Variants in GBP5 observed in about 807,000 individuals in gnomAD.
GBP5 encodes the protein guanylate binding protein 5.
GBP5 carries 48 observed loss-of-function variants against 58.2 expected under a neutral mutation model. That is an observed-to-expected ratio of 0.83 (90% confidence interval 0.65 to 1.05). The LOEUF is 1.05. GBP5 is among the 50% of genes least tolerant of loss of function. GBP5 has a pLI of 0.00. For synonymous variants in GBP5, 248 were observed against 251.8 expected (o/e 0.98, Z 0.14); for missense variants, 714 against 686.8 (o/e 1.04, Z -0.44).
rs949685589 is a variant in GBP5, at chr1:89,257,988, CAAAG to C, written c.*2712_*2715del. ...ATCAGTTGATTTCACAACAGTAAGACAAAGAAAGTCAGAAAATATAAGCTACTTA... is the reference window on the plus strand; with the variant it reads ...ATCAGTTGATTTCACAACAGTAAGACAAAGTCAGAAAATATAAGCTACTTA... On this transcript the variant is annotated 3_prime_UTR_variant, in exon 12 of 12. Coordinates refer to ENST00000370459, the MANE Select transcript of GBP5 (RefSeq NM_052942.5). Among the ~76,000 whole-genome samples the C allele has an allele frequency of 6.6e-6, 1 of 152,128 alleles. No homozygotes were observed. The highest frequency in any genetic ancestry group is 1.5e-5 in the Non-Finnish European group (1 of 68,004).
At chr1:89,263,679 C>A in intron 9 of GBP5, 57 bp downstream of exon 9, 1 of 1,246,912 alleles carries the variant, frequency 8.0e-7, no homozygotes. Context: ...CCTGTTCTCA[C>A]TGGTTTTACA....
intron 9 of GBP5, 136 bp downstream of exon 9, chr1:89,263,600 T>C: frequency 4.9e-6 from 3 of 609,910 alleles, no homozygotes; most frequent in South Asian, 2.1e-5. Flanking sequence ...TAAATGCTTA[T>C]TCAAGAAAAG....
Position 89,264,846 on chromosome 1 carries a change from A to G in GBP5, c.989T>C (p.Ile330Thr). 1 of 1,614,182 alleles carries G rather than the reference A, an allele frequency of 6.2e-7. No individual in the cohort carries two copies. The highest frequency in any genetic ancestry group is 8.5e-7 in the Non-Finnish European group (1 of 1,180,028). ...RENSAAVQKAIAHYDQQMGQK... is the reference protein window; with the variant it reads ...RENSAAVQKATAHYDQQMGQK... ...GCCCATTTGCTGGTCATAGTGGGCA[A>G]TGGCCTTTTGCACTGCAGCTGAGTT... The change falls in exon 8 of 12, where the codon ATT (isoleucine) becomes ACT (threonine). Residue 330 changes from isoleucine (I) to threonine (T), a missense_variant. Ile to Thr is a moderately conservative substitution (Grantham distance 89, BLOSUM62 -1). Transcript: ENST00000370459.
intron 7 of GBP5, among the ~76,000 whole-genome samples, chr1:89,265,986 T>C (rs1360070277): frequency 6.6e-6 from 1 of 152,230 alleles, no homozygotes; most frequent in Non-Finnish European, 1.5e-5. Context: ...GTTTCACTTA[T>C]ACAGGGAACA....
rs779147050 is a variant in GBP5, at chr1:89,262,690, C to CT, written c.1457dup (p.Lys487GlufsTer11). 8.8e-6 allele frequency: 14 copies of CT among 1,593,812 alleles called. No homozygotes were observed. Among genetic ancestry groups the CT allele is most frequent in the South Asian group, 4.4e-5 (4 of 90,522 alleles). ...TTTCCACTTTCTTCTCACCTTTCTT[C>CT]TTTTTTTCCGTCTCTGTGAGAGCCT... On this transcript the variant is annotated frameshift_variant, in exon 10 of 12. Coordinates refer to ENST00000370459, the MANE Select transcript of GBP5 (RefSeq NM_052942.5). LOFTEE classifies it high-confidence loss of function.
intron 6 of GBP5, 116 bp from the exon 7 acceptor site, chr1:89,266,704 C>A (rs1650235519): frequency 9.4e-7 from 1 of 1,063,334 alleles, no homozygotes; most frequent in Non-Finnish European, 1.3e-6. Flanking sequence ...TCTTCATAAA[C>A]CCTAAGTAAA....
At position 89,259,745 on chromosome 1, in the gene GBP5, C is replaced by T. The variant is rs1317035885; in HGVS notation, c.*959G>A. 6.6e-6 allele frequency: 1 copy of T among 152,130 alleles called. No homozygotes were observed. The highest frequency in any genetic ancestry group is 2.4e-5 in the African/African-American group (1 of 41,374). The allele number at this position is 152,130 out of a possible 1,614,324, so 9.4% of individuals were successfully genotyped here. ...CCTAAGCTAAACCACATCCTGGTAC[C>T]CTGAGCCAGGCGGGGGCAAAAACTG... is the stretch of plus-strand genomic sequence containing the variant. On this transcript the variant is annotated 3_prime_UTR_variant, in exon 12 of 12. Coordinates refer to ENST00000370459, the MANE Select transcript of GBP5 (RefSeq NM_052942.5).
At chr1:89,267,323 C>A (rs1412439493) in intron 5 of GBP5, 94 bp downstream of exon 5, 3 of 1,053,204 alleles carry the variant, frequency 2.8e-6, no homozygotes, top group Non-Finnish European at 4.3e-6. Flanking sequence ...ATCACGTTTC[C>A]ATTTTTGTGA....
rs1649888016 is a variant in GBP5, at chr1:89,258,939, A to T, written c.*1765T>A. On this transcript the variant is annotated 3_prime_UTR_variant, in exon 12 of 12. Coordinates refer to ENST00000370459, the MANE Select transcript of GBP5 (RefSeq NM_052942.5). ...TTTTAACTTTGAGAAAAATACAAACAAAGGAACTGATTTATGGTTTTCCAA... is the reference window on the plus strand; with the variant it reads ...TTTTAACTTTGAGAAAAATACAAACTAAGGAACTGATTTATGGTTTTCCAA... The T allele has an allele frequency of 6.6e-6, 1 of 152,164 alleles. No homozygotes were observed. Among genetic ancestry groups the T allele is most frequent in the South Asian group, 2.1e-4 (1 of 4,826 alleles). 9.4% of individuals were successfully genotyped at this position (152,164 alleles called of 1,614,324 possible).
chr1:89,266,729 C>A, intron 6 of GBP5, 141 bp from the exon 7 acceptor site: 2 of 842,632 alleles, frequency 2.4e-6, no homozygotes, highest in Admixed American at 3.1e-5. Flanking sequence ...AAAATGGTAA[C>A]TAATCAGGGA....
chr1:89,264,637 C>T lies in GBP5; in HGVS notation c.1149+49G>A, dbSNP rs376668686. On this transcript the variant is annotated intron_variant, in intron 8 of 11. Coordinates refer to ENST00000370459, the MANE Select transcript of GBP5 (RefSeq NM_052942.5). The stretch of plus-strand genomic sequence containing the variant: ...TCCTATTTTATCATTCAAAGCAATA[C>T]TTTGCCTTCTTGACCTTAATCCCCA... 10 of 1,536,538 alleles carry T rather than the reference C, an allele frequency of 6.5e-6. No homozygotes were observed. The East Asian group carries it at 1.4e-4, about 21-fold the overall frequency.
rs1392642513 is a variant in GBP5 at position 89,262,395 on chromosome 1, T to C, written c.1472A>G (p.Gln491Arg). Reference protein sequence around the residue: ...TETEKKKKEAQVKAEAEKAEA... With the variant: ...TETEKKKKEARVKAEAEKAEA... ...AGCCTTTTCAGCTTCTGCTTTCACT[T>C]GTGCCTCTGAGGAGAAAAAGATAAT... Residue 491 changes from glutamine (Q) to arginine (R), a missense_variant, in exon 11 of 12, where the codon CAA (glutamine) becomes CGA (arginine). Transcript: ENST00000370459. The C allele has an allele frequency of 1.4e-5, 23 of 1,613,516 alleles. No homozygotes were observed. The highest frequency in any genetic ancestry group is 1.7e-5 in the Non-Finnish European group (20 of 1,179,836).
At chr1:89,264,016 A>T in intron 8 of GBP5, 68 bp from the exon 9 acceptor site, 1 of 978,962 alleles carries the variant, frequency 1.0e-6, no homozygotes, top group Admixed American at 2.1e-5. Context: ...AATAATTCTG[A>T]AAAAGAATCT....
At position 89,267,101 on chromosome 1, in the gene GBP5, C is replaced by G; in HGVS notation, c.481G>C (p.Asp161His). 2 of 1,611,044 alleles carry G rather than the reference C, an allele frequency of 1.2e-6. No individual in the cohort carries two copies. The highest frequency in any genetic ancestry group is 1.7e-6 in the Non-Finnish European group (2 of 1,179,326). ...LLKARNSPDL[D>H]RVEDPADSAS... ...GAGTCAGCAGGATCTTCAACCCTGT[C>G]AAGGTCGGGTGAGTTTCTTGCCTTG... The change falls in exon 6 of 12, where the codon GAC becomes CAC. Residue 161 changes from aspartate to histidine, a missense_variant. By Grantham distance (81) the Asp-to-His change is moderately conservative. Coordinates refer to ENST00000370459, the MANE Select transcript of GBP5 (RefSeq NM_052942.5).
chr1:89,262,133 A>T (rs1570409704), intron 11 of GBP5, 87 bp downstream of exon 11: 3 of 1,285,924 alleles, frequency 2.3e-6, no homozygotes, highest in Non-Finnish European at 1.1e-6. Flanking sequence ...GCTGAGAGCC[A>T]CAAGATCTTG....
chr1:89,268,856 C>A lies in GBP5; in HGVS notation c.191G>T (p.Gly64Val), dbSNP rs146345393. The change falls in exon 4 of 12, where the codon GGC becomes GTC. Residue 64 changes from glycine to valine, a missense_variant and splice_region_variant. Gly to Val is a moderately radical substitution (Grantham distance 109). Transcript: ENST00000370459. ...CTGCACCGTAGATGCAACAGAGAAG[C>A]CTGTCAGGGGGAGTGAGAGGTTGTA... ...LMNKLAGKNKGFSVASTVQSH... is the reference protein window; with the variant it reads ...LMNKLAGKNKVFSVASTVQSH... The A allele has an allele frequency of 9.1e-5, 147 of 1,613,364 alleles. No homozygotes were observed. Among genetic ancestry groups the A allele is most frequent in the African/African-American group, 7.9e-4 (59 of 74,968 alleles).
At position 89,264,966 on chromosome 1, in the gene GBP5, C is replaced by A. The variant is rs769518916; in HGVS notation, c.869G>T (p.Arg290Leu). ...ATAGGTCAGCACCAGGTTCTTTAGA[C>A]CTTCATGGAAGAAAGAAACATTTAT... ...LPGGIMVNGS[R>L]LKNLVLTYVN... The change falls in exon 8 of 12, where the codon CGT becomes CTT. Residue 290 changes from arginine to leucine, a missense_variant and splice_region_variant. Physicochemically the swap from Arg to Leu is moderately radical, Grantham distance 102 (BLOSUM62 -2). Transcript: ENST00000370459. The A allele has an allele frequency of 9.3e-6, 15 of 1,604,292 alleles. No individual in the cohort carries two copies. In the South Asian group the frequency reaches 1.3e-4, roughly 14 times the overall value.
intron 9 of GBP5, 124 bp downstream of exon 9, chr1:89,263,612 A>T: frequency 1.6e-6 from 1 of 643,390 alleles, no homozygotes; most frequent in South Asian, 1.9e-5. Flanking sequence ...CAAGAAAAGG[A>T]TTACTACTAG....
rs1270523390 is a variant in GBP5 at position 89,263,775 on chromosome 1, C to T, written c.1323G>A (p.Leu441=). Residue 441 remains leucine (L), a synonymous_variant, in exon 9 of 12, where the codon CTG becomes CTA. Transcript: ENST00000370459. ...GAGGCTCCCGATAGTACTTTGCCTT[C>T]AGTTCTTCTGTTTTCTGAATGAAGA... The part of the protein sequence containing the change: ...HNLFIQKTEE[L]KAKYYREPRK... 1 of 1,613,684 alleles carries T rather than the reference C, an allele frequency of 6.2e-7. No individual in the cohort carries two copies. Among genetic ancestry groups the T allele is most frequent in the East Asian group, 2.2e-5 (1 of 44,880 alleles).
Sources: allele counts gnomAD v4.1 joint callset (sites outside exome capture counted in the v4.1 genomes callset), GRCh38; gene constraint gnomAD v4.1.1; transcripts MANE v1.5; gene names NCBI Gene and HGNC (gene_info 2026-07-23, HGNC 2026-07-21).